The following MFAP3L variants were observed in gnomAD, a reference collection of about 807,000 sequenced individuals.
The protein encoded by MFAP3L is microfibrillar-associated protein 3-like.
A neutral mutation model predicts 20.0 loss-of-function variants in MFAP3L; 5 were observed. That is an observed-to-expected ratio of 0.25 (90% CI 0.13 to 0.53). The LOEUF (loss-of-function observed/expected upper bound fraction) is 0.53. Ranked by LOEUF, MFAP3L falls within the 20% of genes least tolerant of loss-of-function variation. The pLI is 0.96. For synonymous variants in MFAP3L, 219 were observed against 213.0 expected, an observed-to-expected ratio of 1.03 and a Z score of -0.25; for missense variants, 409 against 527.5, an observed-to-expected ratio of 0.78 and a Z score of 2.20.
intron 1 of MFAP3L, among the ~76,000 whole-genome samples, chr4:170,012,291 A>C (rs913671430): frequency 6.6e-6 from 1 of 152,248 alleles, no homozygotes. Context: ...ACTATCTGAT[A>C]GCAGGTTGAA....
intron 2 of MFAP3L, chr4:169,997,623 T>C: frequency 1.4e-6 from 1 of 737,322 alleles, no homozygotes; most frequent in Non-Finnish European, 1.7e-6. Context: ...CTTTTTCAAC[T>C]CTCAGGTTGC....
intron 1 of MFAP3L, among the ~76,000 whole-genome samples, chr4:170,012,588 A>T (rs1739449098): frequency 6.6e-6 from 1 of 152,128 alleles, no homozygotes; most frequent in Non-Finnish European, 1.5e-5. Flanking sequence ...TGGCTGATGG[A>T]GGGTGTTGTG....
intron 1 of MFAP3L, among the ~76,000 whole-genome samples, chr4:170,024,414 T>G (rs1740225130): frequency 4.6e-5 from 7 of 152,196 alleles, no homozygotes; most frequent in Admixed American, 4.6e-4. Context: ...AAGGGGAGAC[T>G]CTAGCTACTT....
At chr4:170,024,080 G>A (rs1740201303) in intron 1 of MFAP3L, among the ~76,000 whole-genome samples, 1 of 152,092 alleles carries the variant, frequency 6.6e-6, no homozygotes, top group Non-Finnish European at 1.5e-5. Context: ...CAAAAGAGAA[G>A]AAATGATCAC....
Position 170,006,013 on chromosome 4 carries a change from G to C in MFAP3L, c.-133-3C>G. 7.0e-7 allele frequency: 1 copy of C among 1,430,606 alleles called. No individual in the cohort carries two copies. Among genetic ancestry groups the C allele is most frequent in the Non-Finnish European group, 9.1e-7 (1 of 1,094,994 alleles). 88.6% of individuals were successfully genotyped at this position (1,430,606 alleles called of 1,614,324 possible). On this transcript the variant is annotated splice_region_variant and splice_polypyrimidine_tract_variant and intron_variant, in intron 1 of 2. Transcript: ENST00000361618. ...AGAGTTGGTACTTGAGCAAGAACCT[G>C]TTTTTAAGAAAACAAAAATATATAC...
Position 169,995,217 on chromosome 4 carries a change from G to C in MFAP3L, c.299-2908C>G, listed in dbSNP as rs561905424. 4 of 152,286 alleles carry C rather than the reference G, an allele frequency of 2.6e-5. No homozygotes were observed. In the East Asian group the frequency reaches 7.7e-4, roughly 29 times the overall value. 9.4% of individuals were successfully genotyped at this position (152,286 alleles called of 1,614,324 possible). On this transcript the variant is annotated intron_variant, in intron 2 of 2. Transcript: ENST00000361618. ...CCTGGATTAAAACATACTATTACCA[G>C]ACCACAAAGCGAGTCCAAGTCTTTG...
rs117148530 is a variant in MFAP3L at position 169,993,318 on chromosome 4, G to A, written c.299-1009C>T. ...ATGAAGATCCCAGTTAGGCTTTTGG[G>A]GAGTTCTAAGGAACAGGCAAATATT... On this transcript the variant is annotated intron_variant, in intron 2 of 2. Coordinates refer to ENST00000361618, the MANE Select transcript of MFAP3L (RefSeq NM_021647.8). Among the ~76,000 whole-genome samples the A allele has an allele frequency of 6.6e-5, 10 of 152,184 alleles. No homozygotes were observed. In the East Asian group the frequency reaches 1.9e-3, roughly 29 times the overall value.
At chr4:170,009,321 TAC>T (rs1739233106) in intron 1 of MFAP3L, among the ~76,000 whole-genome samples, 18 of 145,150 alleles carry the variant, frequency 1.2e-4, no homozygotes, top group Admixed American at 1.2e-3. Context: ...AGGCGGAGGT[TAC>T]AGTGAGCCGA....
rs1737653540 is a variant in MFAP3L, at chr4:169,991,387, G to A, written c.1221C>T (p.Ser407=). 1 of 1,613,310 alleles carries A rather than the reference G, an allele frequency of 6.2e-7. No individual in the cohort carries two copies. The highest frequency in any genetic ancestry group is 1.1e-5 in the South Asian group (1 of 91,018). The change falls in exon 3 of 3, where the codon AGC becomes AGT. Residue 407 remains serine (S), a synonymous_variant. Transcript: ENST00000361618. The surrounding 1 kb of genome is among the most constrained non-coding windows in gnomAD (Gnocchi z 4.9). The stretch of plus-strand genomic sequence containing the variant: ...CTTTTCGGGGTTGGTATTAGACATG[G>A]CTTTCGTAAATAATGCAGGTGTTTT... ...HDKNTCIIYE[S]HV
chr4:170,015,494 C>T (rs565555290), intron 1 of MFAP3L, among the ~76,000 whole-genome samples: 4 of 152,242 alleles, frequency 2.6e-5, no homozygotes, highest in Admixed American at 6.5e-5. Context: ...GCCACAGACA[C>T]AGCTTGTGCG....
intron 2 of MFAP3L, among the ~76,000 whole-genome samples, chr4:169,993,091 C>T (rs933317827): frequency 6.6e-6 from 1 of 152,182 alleles, no homozygotes; most frequent in Non-Finnish European, 1.5e-5. Context: ...TTCTTACCCC[C>T]ACCACCCTCT....
intron 1 of MFAP3L, among the ~76,000 whole-genome samples, chr4:170,015,181 CA>C (rs887499215): frequency 2.7e-4 from 41 of 152,312 alleles, no homozygotes; most frequent in African/African-American, 9.1e-4. Flanking sequence ...TTAAGACCCA[CA>C]AGCTGGGAGT....
chr4:170,011,851 T>C (rs150659012), intron 1 of MFAP3L, among the ~76,000 whole-genome samples: 1 of 152,298 alleles, frequency 6.6e-6, no homozygotes, highest in Admixed American at 6.5e-5. Context: ...TGGAAGTGAT[T>C]CTTTAAAGAA....
At chr4:170,011,250 C>T (rs1056389357) in intron 1 of MFAP3L, among the ~76,000 whole-genome samples, 3 of 152,076 alleles carry the variant, frequency 2.0e-5, no homozygotes, top group Admixed American at 6.5e-5. Context: ...AACAAACAGA[C>T]GCATATGGGA....
At chr4:170,005,210 T>C (rs1156751669) in intron 2 of MFAP3L, 1 of 260,894 alleles carries the variant, frequency 3.8e-6, no homozygotes, top group East Asian at 7.3e-5. Flanking sequence ...TGATAAACAA[T>C]GGCTATATTG....
Position 169,992,380 on chromosome 4 carries a change from T to TAAGAACATCTATGAACATCTATG in MFAP3L, c.299-94_299-72dup. On this transcript the variant is annotated intron_variant, in intron 2 of 2. Coordinates refer to ENST00000361618, the MANE Select transcript of MFAP3L (RefSeq NM_021647.8). This position sits in a 1 kb window ranked among gnomAD's most constrained non-coding sequence, Gnocchi z 4.3. ...CCATGACTACAAACTGATACGTTTC[T>TAAGAACATCTATGAACATCTATG]AAGAACATCTATGAACATCTATGAA... is the stretch of plus-strand genomic sequence containing the variant. 7.8e-7 allele frequency: 1 copy of TAAGAACATCTATGAACATCTATG among 1,289,462 alleles called. No individual in the cohort carries two copies. The highest frequency in any genetic ancestry group is 2.3e-5 in the East Asian group (1 of 43,102). 79.9% of individuals were successfully genotyped at this position (1,289,462 alleles called of 1,614,324 possible).
chr4:170,024,148 C>A (rs559534242), intron 1 of MFAP3L, among the ~76,000 whole-genome samples: 4 of 152,208 alleles, frequency 2.6e-5, no homozygotes, highest in African/African-American at 9.6e-5. Flanking sequence ...GTAATAAAAC[C>A]CCTTTTCAAC....
At position 169,986,660 on chromosome 4, in the gene MFAP3L, T is replaced by G. The variant is rs889144104; in HGVS notation, c.*4718A>C. On this transcript the variant is annotated 3_prime_UTR_variant, in exon 3 of 3. Coordinates refer to ENST00000361618, the MANE Select transcript of MFAP3L (RefSeq NM_021647.8). ...TCAAAATACAGGATGGATCACATGG[T>G]TTTCTGTTTTTGCTACTGTAATACC... 1 of 152,204 alleles carries G rather than the reference T, an allele frequency of 6.6e-6. No homozygotes were observed. Among genetic ancestry groups the G allele is most frequent in the Non-Finnish European group, 1.5e-5 (1 of 68,018 alleles). The allele number at this position is 152,204 out of a possible 1,614,324, so 9.4% of individuals were successfully genotyped here.
rs1227583723 is a variant in MFAP3L, at chr4:169,989,326, A to C, written c.*2052T>G. On this transcript the variant is annotated 3_prime_UTR_variant, in exon 3 of 3. Coordinates refer to ENST00000361618, the MANE Select transcript of MFAP3L (RefSeq NM_021647.8). ...AGATGTCTCATCAAACTCCATGACT[A>C]GTTCTATCACCTTCCACAACAGTTA... 1 of 152,190 alleles carries C rather than the reference A, an allele frequency of 6.6e-6. No homozygotes were observed. Among genetic ancestry groups the C allele is most frequent in the Non-Finnish European group, 1.5e-5 (1 of 68,036 alleles). The allele number at this position is 152,190 out of a possible 1,614,324, so 9.4% of individuals were successfully genotyped here.
Sources: allele counts gnomAD v4.1 joint callset (sites outside exome capture counted in the v4.1 genomes callset), GRCh38; gene constraint gnomAD v4.1.1; non-coding constraint Gnocchi (gnomAD v3.1); transcripts MANE v1.5; gene names NCBI Gene and HGNC (gene_info 2026-07-23, HGNC 2026-07-21).